The following ARID4A variants were observed in gnomAD, a reference collection of about 807,000 sequenced individuals.
ARID4A encodes AT-rich interaction domain 4A, also known as AT-rich interactive domain-containing protein 4A.
Under a neutral mutation model 148.6 loss-of-function variants are expected in ARID4A, and 39 were observed. That is an observed-to-expected ratio of 0.26 (90% confidence interval 0.20 to 0.34). The LOEUF (loss-of-function observed/expected upper bound fraction) is 0.34, where lower values mean the gene tolerates loss of function less well. ARID4A is among the 10% of genes least tolerant of loss of function. The probability of loss-of-function intolerance (pLI) is 1.00; values close to 1 mark genes in which losing one functional copy is unlikely to be tolerated. For synonymous variants in ARID4A, 475 were observed against 481.2 expected, an observed-to-expected ratio of 0.99 and a Z score of 0.17; for missense variants, 1,265 against 1,449.1, an observed-to-expected ratio of 0.87 and a Z score of 2.06.
At chr14:58,333,580 G>A (rs548054349) in intron 11 of ARID4A, among the ~76,000 whole-genome samples, 29 of 152,102 alleles carry the variant, frequency 1.9e-4, no homozygotes, top group Middle Eastern at 6.8e-3. Flanking sequence ...AATAACTACT[G>A]CCATTTCTGT....
At position 58,347,641 on chromosome 14, in the gene ARID4A, G is replaced by A. The variant is rs1039327548; in HGVS notation, c.1173-6G>A. On this transcript the variant is annotated splice_region_variant and splice_polypyrimidine_tract_variant and intron_variant, in intron 14 of 23. Transcript: ENST00000355431. ...AGATTTCTTAAATGAAATATTGTTTGTTTAGGTATCTCTATGGTTTTGAGG... is the reference window on the plus strand; with the variant it reads ...AGATTTCTTAAATGAAATATTGTTTATTTAGGTATCTCTATGGTTTTGAGG... The A allele has an allele frequency of 6.5e-7, 1 of 1,547,206 alleles. No homozygotes were observed. The highest frequency in any genetic ancestry group is 8.8e-7 in the Non-Finnish European group (1 of 1,141,812).
At chr14:58,303,157 ATTTT>A (rs2031325828) in intron 3 of ARID4A, among the ~76,000 whole-genome samples, 1 of 152,162 alleles carries the variant, frequency 6.6e-6, no homozygotes, top group Non-Finnish European at 1.5e-5. Context: ...TCCTTAAAAA[ATTTT>A]ATTTAAGTTG....
intron 5 of ARID4A, among the ~76,000 whole-genome samples, chr14:58,317,624 C>CTTTTTTTT (rs71107933): frequency 1.7e-4 from 12 of 69,872 alleles, no homozygotes; most frequent in Admixed American, 2.3e-4. Context: ...TTATATTTGT[C>CTTTTTTTT]TTTTTTTTTT....
chr14:58,335,782 T>C (rs2033783503), intron 11 of ARID4A, among the ~76,000 whole-genome samples: 1 of 152,188 alleles, frequency 6.6e-6, no homozygotes, highest in Non-Finnish European at 1.5e-5. Context: ...TTGATTCTTC[T>C]TCTCTTAACC....
At position 58,372,524 on chromosome 14, in the gene ARID4A, G is replaced by C. The variant is rs1396131225; in HGVS notation, c.*535G>C. ...TTCAGCAGTGTGCCCAGGATTGAAG[G>C]TGTAAATGGGACAAAATAAATTGTG... On this transcript the variant is annotated 3_prime_UTR_variant, in exon 24 of 24. Coordinates refer to ENST00000355431, the MANE Select transcript of ARID4A (RefSeq NM_002892.4). 1.4e-5 allele frequency: 3 copies of C among 216,090 alleles called. No homozygotes were observed. Among genetic ancestry groups the C allele is most frequent in the Non-Finnish European group, 1.9e-5 (2 of 107,102 alleles). The allele number at this position is 216,090 out of a possible 1,614,324, so 13.4% of individuals were successfully genotyped here.
Position 58,361,024 on chromosome 14 carries a change from A to G in ARID4A, c.2062A>G (p.Asn688Asp), listed in dbSNP as rs1288103894. 6.2e-7 allele frequency: 1 copy of G among 1,613,884 alleles called. No individual in the cohort carries two copies. Residue 688 changes from asparagine to aspartate, a missense_variant, in exon 19 of 24, where the codon AAC (asparagine) becomes GAC (aspartate). By Grantham distance (23) the Asn-to-Asp change is conservative (BLOSUM62 1). Around this residue, in one of 9 missense-constraint regions of ARID4A, gnomAD observed 666 missense variants for 730.9 expected, o/e 0.91. Coordinates refer to ENST00000355431, the MANE Select transcript of ARID4A (RefSeq NM_002892.4). ...NMPYGLSKTA[N>D]SEGKSDSCSS... The stretch of plus-strand genomic sequence containing the variant: ...GCCGTATGGCTTATCTAAGACAGCA[A>G]ACAGTGAAGGAAAATCAGGTACCAG...
At chr14:58,317,432 C>T (rs1447519696) in intron 5 of ARID4A, among the ~76,000 whole-genome samples, 1 of 148,600 alleles carries the variant, frequency 6.7e-6, no homozygotes, top group African/African-American at 2.5e-5. Context: ...CTACAGGCGC[C>T]CGCCACCACG....
chr14:58,361,612 A>G (rs1236429043), intron 19 of ARID4A, among the ~76,000 whole-genome samples: 2 of 152,238 alleles, frequency 1.3e-5, no homozygotes, highest in African/African-American at 2.4e-5. Context: ...CTAAGCAGCA[A>G]GGTAGCATCA....
chr14:58,345,937 T>C (rs919646013), intron 12 of ARID4A, among the ~76,000 whole-genome samples: 1 of 151,638 alleles, frequency 6.6e-6, no homozygotes, highest in African/African-American at 2.4e-5. Context: ...GATATCACCA[T>C]GTTGCCCAGG....
intron 17 of ARID4A, among the ~76,000 whole-genome samples, chr14:58,357,614 GT>G (rs11424644): frequency 1.7e-3 from 224 of 134,146 alleles, no homozygotes; most frequent in Non-Finnish European, 1.8e-3. Flanking sequence ...TTTTTGCATG[GT>G]TTTTTTTTTT....
At chr14:58,300,221 G>A (rs1352760833) in intron 2 of ARID4A, among the ~76,000 whole-genome samples, 2 of 152,108 alleles carry the variant, frequency 1.3e-5, no homozygotes, top group East Asian at 3.8e-4. Flanking sequence ...GTGTGCCAAT[G>A]CGATTTTCTA....
chr14:58,345,803 T>A (rs1193515429), intron 12 of ARID4A, among the ~76,000 whole-genome samples: 1 of 139,944 alleles, frequency 7.1e-6, no homozygotes, highest in African/African-American at 2.7e-5. Context: ...TGAACATGGC[T>A]CCCTCCAGCC....
In ARID4A at chr14:58,372,138, C is replaced by G; in HGVS notation, c.*149C>G. The G allele has an allele frequency of 1.8e-6, 1 of 552,172 alleles. No homozygotes were observed. Among genetic ancestry groups the G allele is most frequent in the African/African-American group, 1.9e-5 (1 of 52,448 alleles). The allele number at this position is 552,172 out of a possible 1,614,324, so 34.2% of individuals were successfully genotyped here. The stretch of plus-strand genomic sequence containing the variant: ...CAGGCTGGATTGTATCTATTCCCCT[C>G]TCTCTTCTTTTTTCTTGTTGCAAAA... On this transcript the variant is annotated 3_prime_UTR_variant, in exon 24 of 24. Transcript: ENST00000355431.
At chr14:58,317,478 G>A (rs1162982804) in intron 5 of ARID4A, among the ~76,000 whole-genome samples, 1 of 150,308 alleles carries the variant, frequency 6.7e-6, no homozygotes, top group Non-Finnish European at 1.5e-5. Flanking sequence ...AGTAGAGACG[G>A]GGTTTCACCG....
At chr14:58,323,337 C>T (rs1018802095) in intron 7 of ARID4A, 148 bp from the exon 8 acceptor site, 1 of 898,578 alleles carries the variant, frequency 1.1e-6, no homozygotes, top group African/African-American at 1.7e-5. Flanking sequence ...TAAGGAAGGA[C>T]CCATGTCTTC....
intron 3 of ARID4A, among the ~76,000 whole-genome samples, chr14:58,302,785 C>G (rs2031287656): frequency 6.6e-6 from 1 of 151,766 alleles, no homozygotes; most frequent in African/African-American, 2.4e-5. Flanking sequence ...GAGATCTTGT[C>G]TGTCCAGAAA....
chr14:58,321,146 T>A (rs2032862264), intron 7 of ARID4A, among the ~76,000 whole-genome samples: 1 of 152,180 alleles, frequency 6.6e-6, no homozygotes, highest in South Asian at 2.1e-4. Context: ...TAGTTACCGT[T>A]TTTCCCCTTT....
intron 14 of ARID4A, 24 bp downstream of exon 14, chr14:58,347,141 A>G (rs1272697476): frequency 1.6e-6 from 2 of 1,218,390 alleles, no homozygotes; most frequent in African/African-American, 3.1e-5. Context: ...TTTATTCATC[A>G]AAGAATATAT....
chr14:58,304,264 CTATATT>C (rs1361229413), intron 3 of ARID4A, among the ~76,000 whole-genome samples: 12 of 152,040 alleles, frequency 7.9e-5, no homozygotes, highest in African/African-American at 1.5e-4. Context: ...TTTGATTACT[CTATATT>C]TATTTGGGAT....
Sources: gnomAD v4.1 joint callset for allele counts (sites outside exome capture counted in the v4.1 genomes callset) on GRCh38, gnomAD v4.1.1 for gene constraint, gnomAD v4.1.1 regional missense constraint, MANE v1.5 for transcripts, NCBI Gene and HGNC (gene_info 2026-07-23, HGNC 2026-07-21) for gene names.